The following IL1RAPL2 variants were observed in gnomAD, a reference collection of about 807,000 sequenced individuals.
IL1RAPL2 encodes interleukin 1 receptor accessory protein like 2.
Under a neutral mutation model 44.1 loss-of-function variants are expected in IL1RAPL2, and 3 were observed. The ratio of observed to expected loss-of-function variants is 0.07; its 90% CI spans 0.03 to 0.18. The LOEUF (loss-of-function observed/expected upper bound fraction) is 0.18. Ranked by LOEUF, IL1RAPL2 falls within the 10% of genes least tolerant of loss-of-function variation. The probability of loss-of-function intolerance (pLI) is 1.00; values close to 1 mark genes in which losing one functional copy is unlikely to be tolerated. For missense variants in IL1RAPL2, 391 were observed against 496.4 expected, an observed-to-expected ratio of 0.79 and a Z score of 2.02; for synonymous variants, 181 against 178.8, an observed-to-expected ratio of 1.01 and a Z score of -0.10.
intron 5 of IL1RAPL2, among the ~76,000 whole-genome samples, chrX:105,379,736 A>G (rs1300997165): frequency 9.0e-6 from 1 of 111,710 alleles, no homozygotes; most frequent in Non-Finnish European, 1.9e-5. Flanking sequence ...ACTCCATGAG[A>G]TGGCTGTAAG....
intron 2 of IL1RAPL2, among the ~76,000 whole-genome samples, chrX:104,722,147 T>G (rs753613428): frequency 9.0e-6 from 1 of 111,034 alleles, no homozygotes; most frequent in South Asian, 3.8e-4. Context: ...AAGAGGCAAA[T>G]AGTAAATACT....
intron 2 of IL1RAPL2, among the ~76,000 whole-genome samples, chrX:105,033,537 T>G (rs1051656257): frequency 9.0e-6 from 1 of 111,434 alleles, no homozygotes; most frequent in African/African-American, 3.3e-5. Flanking sequence ...TCTTTAAGAA[T>G]GTTGAATATT....
intron 1 of IL1RAPL2, among the ~76,000 whole-genome samples, chrX:104,572,719 C>T (rs940630196): frequency 2.7e-5 from 3 of 111,088 alleles, no homozygotes; most frequent in African/African-American, 1.0e-4. Context: ...CTCAGCCTCC[C>T]GCCCCCAGTA....
intron 5 of IL1RAPL2, among the ~76,000 whole-genome samples, chrX:105,446,240 G>A (rs748490304): frequency 2.7e-5 from 3 of 110,786 alleles, no homozygotes; most frequent in East Asian, 5.7e-4. Flanking sequence ...CATTGCCGTG[G>A]GATATCTTTT....
At chrX:105,242,884 G>A (rs1487376131) in intron 4 of IL1RAPL2, among the ~76,000 whole-genome samples, 1 of 110,779 alleles carries the variant, frequency 9.0e-6, no homozygotes, top group Non-Finnish European at 1.9e-5. Context: ...CGGATCACAT[G>A]AGGTCAGGAG....
chrX:105,042,984 AAAC>A (rs1246740595), intron 2 of IL1RAPL2, among the ~76,000 whole-genome samples: 1 of 104,331 alleles, frequency 9.6e-6, no homozygotes, highest in Non-Finnish European at 2.0e-5. Context: ...AAGAACAAAA[AAAC>A]AAACACCGCA....
chrX:104,587,717 T>G (rs1928587057), intron 1 of IL1RAPL2, among the ~76,000 whole-genome samples: 3 of 112,237 alleles, frequency 2.7e-5, no homozygotes, highest in African/African-American at 9.7e-5. Flanking sequence ...AGTAATAAAT[T>G]AGCACAGATA....
chrX:105,082,695 C>G (rs923784061), intron 2 of IL1RAPL2, among the ~76,000 whole-genome samples: 4 of 111,683 alleles, frequency 3.6e-5, no homozygotes, highest in Non-Finnish European at 7.5e-5. Flanking sequence ...TGCAGCAGAC[C>G]TGCAGCAGAC....
At chrX:104,643,375 A>G (rs1929971959) in intron 1 of IL1RAPL2, among the ~76,000 whole-genome samples, 1 of 111,867 alleles carries the variant, frequency 8.9e-6, no homozygotes. Context: ...GGCTATTATT[A>G]TAAAAAGACC....
intron 8 of IL1RAPL2, 108 bp downstream of exon 8, chrX:105,740,799 C>A: frequency 2.7e-6 from 2 of 734,472 alleles, no homozygotes; most frequent in Non-Finnish European, 3.9e-6. Flanking sequence ...CCTTTATTAA[C>A]CATTTTGTCT....
chrX:105,449,837 T>A (rs1397574913), intron 5 of IL1RAPL2, among the ~76,000 whole-genome samples: 2 of 111,986 alleles, frequency 1.8e-5, no homozygotes, highest in Non-Finnish European at 3.8e-5. Flanking sequence ...ACAAATGGTG[T>A]CTTTCTCTCT....
chrX:105,002,268 GGA>G (rs1278291749), intron 2 of IL1RAPL2, among the ~76,000 whole-genome samples: 1 of 111,118 alleles, frequency 9.0e-6, no homozygotes, highest in Non-Finnish European at 1.9e-5. Context: ...AAGTTTACAG[GGA>G]GACAGGAAAA....
At chrX:105,240,774 T>C (rs1159169710) in intron 4 of IL1RAPL2, among the ~76,000 whole-genome samples, 4 of 112,225 alleles carry the variant, frequency 3.6e-5, no homozygotes, top group Non-Finnish European at 7.5e-5. Context: ...AGAAATCCCA[T>C]AACATTTTGG....
chrX:105,051,055 G>A (rs1465406269), intron 2 of IL1RAPL2, among the ~76,000 whole-genome samples: 1 of 112,625 alleles, frequency 8.9e-6, no homozygotes, highest in Non-Finnish European at 1.9e-5. Context: ...GGCACACTAA[G>A]TCCCCATTCC....
chrX:105,338,220 A>G (rs1053337381), intron 5 of IL1RAPL2, among the ~76,000 whole-genome samples: 6 of 111,804 alleles, frequency 5.4e-5, no homozygotes, highest in Non-Finnish European at 1.1e-4. Flanking sequence ...CCTACAGTAC[A>G]GTGATATATA....
At chrX:104,985,335 C>T (rs1293703392) in intron 2 of IL1RAPL2, among the ~76,000 whole-genome samples, 6 of 110,991 alleles carry the variant, frequency 5.4e-5, no homozygotes, top group Non-Finnish European at 1.9e-5. Context: ...GTGATCTGCC[C>T]GCCTCAGCCT....
chrX:105,572,432 G>A (rs1354380724), intron 6 of IL1RAPL2, among the ~76,000 whole-genome samples: 1 of 111,739 alleles, frequency 8.9e-6, no homozygotes, highest in Non-Finnish European at 1.9e-5. Context: ...ATTACTATTT[G>A]GTTTTAGATC....
intron 2 of IL1RAPL2, among the ~76,000 whole-genome samples, chrX:105,081,786 G>A: frequency 8.9e-6 from 1 of 111,869 alleles, no homozygotes. Flanking sequence ...ATATTGATTT[G>A]CATATGTTGA....
chrX:104,859,706 A>G (rs1468300326), intron 2 of IL1RAPL2, among the ~76,000 whole-genome samples: 1 of 112,309 alleles, frequency 8.9e-6, no homozygotes, highest in Non-Finnish European at 1.9e-5. Context: ...GTATAAATGT[A>G]GCCACCTTTT....
Sources: gnomAD v4.1 joint callset for allele counts (sites outside exome capture counted in the v4.1 genomes callset) on GRCh38, gnomAD v4.1.1 for gene constraint, MANE v1.5 for transcripts, NCBI Gene and HGNC (gene_info 2026-07-23, HGNC 2026-07-21) for gene names.